The following CCDC77 variants were observed in gnomAD, a reference collection of about 807,000 sequenced individuals.
CCDC77 encodes the protein coiled-coil domain-containing protein 77.
A neutral mutation model predicts 66.8 loss-of-function variants in CCDC77; 56 were observed. The observed-to-expected ratio is 0.84, with a 90% CI of 0.68 to 1.05. CCDC77 has a LOEUF of 1.05. CCDC77 is among the 50% of genes least tolerant of loss of function. The pLI is 0.00. For missense variants in CCDC77, 570 were observed against 576.8 expected (o/e 0.99, Z 0.12); for synonymous variants, 196 against 195.2 (o/e 1.00, Z -0.03).
At chr12:389,673 T>G (rs1231896693) in intron 1 of CCDC77, 1 of 167,126 alleles carries the variant, frequency 6.0e-6, no homozygotes, top group African/African-American at 2.5e-5. Context: ...GTGAGGAGGG[T>G]CCCTTTCCCT....
upstream of CCDC77, among the ~76,000 whole-genome samples, chr12:400,201 A>G (rs1215058442): frequency 6.6e-6 from 1 of 152,196 alleles, no homozygotes; most frequent in African/African-American, 2.4e-5. Flanking sequence ...ATTTTATTGA[A>G]GAGTTAGGAC....
chr12:417,835 G>A (rs909462167), intron 4 of CCDC77, among the ~76,000 whole-genome samples: 1 of 152,048 alleles, frequency 6.6e-6, no homozygotes, highest in Admixed American at 6.6e-5. Context: ...CTGGGAGGTG[G>A]AGGTTGCAGT....
intron 12 of CCDC77, 86 bp downstream of exon 12, chr12:441,082 G>C: frequency 1.4e-6 from 2 of 1,386,402 alleles, no homozygotes; most frequent in Non-Finnish European, 2.0e-6. Context: ...AAAGAAGGAT[G>C]TGCTGTTTCC....
intron 5 of CCDC77, among the ~76,000 whole-genome samples, chr12:425,585 T>C (rs1231964534): frequency 2.6e-5 from 4 of 151,932 alleles, no homozygotes; most frequent in Admixed American, 2.6e-4. Flanking sequence ...GAAGTCTCCT[T>C]TCGGGCATTG....
chr12:412,019 C>A, intron 4 of CCDC77, 41 bp downstream of exon 4: 1 of 1,441,160 alleles, frequency 6.9e-7, no homozygotes, highest in South Asian at 1.2e-5. Context: ...CTGATGGAGT[C>A]TTCATAAATT....
chr12:396,782 A>C (rs1179096671), upstream of CCDC77, among the ~76,000 whole-genome samples: 1 of 152,238 alleles, frequency 6.6e-6, no homozygotes, highest in Non-Finnish European at 1.5e-5. Flanking sequence ...TGACCACATC[A>C]ATTTCTTCTA....
At chr12:410,251 C>G (rs1052739269) in intron 3 of CCDC77, among the ~76,000 whole-genome samples, 8 of 144,518 alleles carry the variant, frequency 5.5e-5, no homozygotes, top group African/African-American at 2.0e-4. Context: ...GGTTTCTCTT[C>G]TTCTGTACTA....
At chr12:418,865 A>C in intron 5 of CCDC77, 4 of 437,850 alleles carry the variant, frequency 9.1e-6, no homozygotes, top group Non-Finnish European at 1.6e-5. Context: ...GGCCTAGCTC[A>C]TTTTTGTATT....
intron 1 of CCDC77, among the ~76,000 whole-genome samples, chr12:395,522 G>C (rs749892153): frequency 7.3e-5 from 11 of 151,478 alleles, no homozygotes; most frequent in Non-Finnish European, 1.3e-4. Context: ...CCGTATCTAC[G>C]AACCCAACCA....
At chr12:432,834 C>T (rs889537272) in intron 8 of CCDC77, among the ~76,000 whole-genome samples, 4 of 152,118 alleles carry the variant, frequency 2.6e-5, no homozygotes, top group African/African-American at 7.2e-5. Flanking sequence ...CCCAAAAGTT[C>T]GAGACCAGCC....
intron 4 of CCDC77, among the ~76,000 whole-genome samples, chr12:417,190 G>C (rs1350262802): frequency 2.0e-5 from 3 of 151,674 alleles, no homozygotes; most frequent in Non-Finnish European, 4.4e-5. Flanking sequence ...TCATACTGTA[G>C]TTTTTCTTTT....
intron 5 of CCDC77, among the ~76,000 whole-genome samples, chr12:423,494 G>GTTTTTTTTTTTTTT (rs56233976): frequency 2.8e-5 from 1 of 35,410 alleles, no homozygotes; most frequent in Non-Finnish European, 5.2e-5. Flanking sequence ...TTTTTGTTTT[G>GTTTTTTTTTTTTTT]TTTTTTTTTT....
chr12:431,414 G>A (rs1343051585), intron 7 of CCDC77, among the ~76,000 whole-genome samples: 2 of 151,940 alleles, frequency 1.3e-5, no homozygotes, highest in African/African-American at 4.8e-5. Flanking sequence ...ACTTTGTGTA[G>A]GAAGGGGTTC....
Position 418,541 on chromosome 12 carries a change from AT to A in CCDC77, c.320del (p.Leu107CysfsTer5). Reference protein sequence around the residue: ...LQQREEEIAELQKALSDMQVC... With the variant: ...LQQREEEIAEXQKALSDMQVC... ...AGCAGAGGGAGGAAGAGATTGCTGA[AT>A]TGCAGAAAGCTCTAAGTGATATGCA... is the stretch of plus-strand genomic sequence containing the variant. On this transcript the variant is annotated frameshift_variant, in exon 5 of 13. Transcript: ENST00000239830. LOFTEE classifies it high-confidence loss of function. 6.2e-7 allele frequency: 1 copy of A among 1,614,080 alleles called. No individual in the cohort carries two copies. Among genetic ancestry groups the A allele is most frequent in the South Asian group, 1.1e-5 (1 of 91,084 alleles).
chr12:430,682 A>G lies in CCDC77; in HGVS notation c.529A>G (p.Thr177Ala), dbSNP rs760599952. The G allele has an allele frequency of 1.9e-6, 3 of 1,613,802 alleles. No individual in the cohort carries two copies. The highest frequency in any genetic ancestry group is 1.7e-5 in the Admixed American group (1 of 60,006). Reference protein sequence around the residue: ...PPHKVTILQKTIQAVGECEQS... With the variant: ...PPHKVTILQKAIQAVGECEQS... ...TCTTCAGGTCACCATTCTCCAAAAGACTATCCAGGCTGTAGGTGAATGTGA... is the reference window on the plus strand; with the variant it reads ...TCTTCAGGTCACCATTCTCCAAAAGGCTATCCAGGCTGTAGGTGAATGTGA... Residue 177 changes from threonine (T) to alanine (A), a missense_variant, in exon 7 of 13, where the codon ACT becomes GCT. Physicochemically the swap from Thr to Ala is moderately conservative, Grantham distance 58. Transcript: ENST00000239830.
rs151143302 is a variant in CCDC77, at chr12:406,190, G to A, written c.-17+626G>A. 2.8e-3 allele frequency among the ~76,000 whole-genome samples: 431 copies of A among 152,162 alleles called. 13 individuals are homozygous for A. In the East Asian group the frequency reaches 0.065, roughly 23 times the overall value. Reference sequence around the variant, plus strand: ...CTCCCAAAGTGCTGAGATTACAGGCGTGAGCCACTTCAACTAGCCAAGGTT... The same window carrying A: ...CTCCCAAAGTGCTGAGATTACAGGCATGAGCCACTTCAACTAGCCAAGGTT... On this transcript the variant is annotated intron_variant, in intron 2 of 12. Coordinates refer to ENST00000239830, the MANE Select transcript of CCDC77 (RefSeq NM_032358.4).
chr12:438,306 C>A, intron 9 of CCDC77, 29 bp from the exon 10 acceptor site: 1 of 1,488,362 alleles, frequency 6.7e-7, no homozygotes, highest in Non-Finnish European at 9.3e-7. Context: ...TGCGCATCCT[C>A]ATGTCTGCAT....
At chr12:408,457 G>A (rs928556283) in intron 2 of CCDC77, among the ~76,000 whole-genome samples, 1 of 152,160 alleles carries the variant, frequency 6.6e-6, no homozygotes, top group African/African-American at 2.4e-5. Context: ...AATAAAGATA[G>A]CATCAGTGGC....
chr12:437,678 CCACA>C (rs1201612072), intron 9 of CCDC77, among the ~76,000 whole-genome samples: 3 of 151,530 alleles, frequency 2.0e-5, no homozygotes, highest in Admixed American at 2.0e-4. Flanking sequence ...GACCCCATCT[CCACA>C]CACACACAAA....
Sources: gnomAD v4.1 joint callset for allele counts (sites outside exome capture counted in the v4.1 genomes callset) on GRCh38, gnomAD v4.1.1 for gene constraint, MANE v1.5 for transcripts, NCBI Gene and HGNC (gene_info 2026-07-23, HGNC 2026-07-21) for gene names.